Variants in GABRG2 observed in about 807,000 individuals in gnomAD.
The protein encoded by GABRG2 is gamma-aminobutyric acid type A receptor subunit gamma2, also known as gamma-aminobutyric acid receptor subunit gamma-2.
A neutral mutation model predicts 56.4 loss-of-function variants in GABRG2; 16 were observed. The ratio of observed to expected loss-of-function variants is 0.28; its 90% confidence interval spans 0.19 to 0.43. GABRG2 has a LOEUF of 0.43. GABRG2 is among the 20% of genes least tolerant of loss of function. GABRG2 has a pLI of 1.00. For synonymous variants in GABRG2, 208 were observed against 205.5 expected (o/e 1.01, Z -0.10); for missense variants, 327 against 582.7 (o/e 0.56, Z 4.52).
intron 1 of GABRG2, among the ~76,000 whole-genome samples, chr5:162,092,962 G>A (rs1176930889): frequency 6.6e-6 from 1 of 152,060 alleles, no homozygotes; most frequent in East Asian, 1.9e-4. Flanking sequence ...GGTTGCCTTG[G>A]GACTTGGGTT....
At position 162,092,949 on chromosome 5, in the gene GABRG2, C is replaced by T. The variant is rs146855493; in HGVS notation, c.108-879C>T. Among the ~76,000 whole-genome samples the T allele has an allele frequency of 8.8e-3, 1,344 of 152,070 alleles. 19 individuals carry two copies. Among genetic ancestry groups the T allele is most frequent in the African/African-American group, 0.031 (1,288 of 41,494 alleles). On this transcript the variant is annotated intron_variant, in intron 1 of 9. Transcript: ENST00000639213. Reference sequence around the variant, plus strand: ...GATCTGGAAAATATCATCATCTTGGCGGGGTTGCCTTGGGACTTGGGTTAG... The same window carrying T: ...GATCTGGAAAATATCATCATCTTGGTGGGGTTGCCTTGGGACTTGGGTTAG...
intron 6 of GABRG2, among the ~76,000 whole-genome samples, chr5:162,105,581 C>T (rs965069272): frequency 2.0e-5 from 3 of 151,766 alleles, no homozygotes; most frequent in African/African-American, 7.3e-5. Flanking sequence ...AGGCGCCCAC[C>T]ACCACGCCTG....
chr5:162,149,839 C>A (rs1041296086), intron 8 of GABRG2: 1 of 338,990 alleles, frequency 2.9e-6, no homozygotes, highest in African/African-American at 2.2e-5. Flanking sequence ...GTCTCGAACT[C>A]CTGACCTCAG....
intron 6 of GABRG2, among the ~76,000 whole-genome samples, chr5:162,128,026 G>A (rs1159158474): frequency 6.6e-6 from 1 of 152,014 alleles, no homozygotes; most frequent in Non-Finnish European, 1.5e-5. Context: ...AGAGTATCAA[G>A]AGACCATTTC....
rs201672465 is a variant in GABRG2 at position 162,104,025 on chromosome 5, C to T, written c.768C>T (p.Ser256=). 474 of 1,613,720 alleles carry T rather than the reference C, an allele frequency of 2.9e-4. 7 individuals are homozygous for T. In the South Asian group the frequency reaches 3.5e-3, roughly 12 times the overall value. The change falls in exon 6 of 10, where the codon TCC becomes TCT. Residue 256 remains serine (S), a splice_region_variant and synonymous_variant. Coordinates refer to ENST00000639213, the MANE Select transcript of GABRG2 (RefSeq NM_198904.4). The part of the protein sequence containing the change: ...RNTTEVVKTT[S]GDYVVMSVYF... ...CCACCGAAGTAGTGAAGACAACTTC[C>T]GGTAAGATGCACTGGCAAAGAATTT...
chr5:162,082,847 G>A lies in GABRG2; in HGVS notation c.108-10981G>A, dbSNP rs182011234. Among the ~76,000 whole-genome samples, 9 of 151,680 alleles carry A rather than the reference G, an allele frequency of 5.9e-5. No homozygotes were observed. The East Asian group carries it at 1.7e-3, about 29-fold the overall frequency. ...AGAAAAGACTTGATTAACTTTTAAA[G>A]CGAACAATAAAACCTTGATTTTGAG... On this transcript the variant is annotated intron_variant, in intron 1 of 9. Transcript: ENST00000639213.
At chr5:162,097,567 G>T in intron 3 of GABRG2, 71 bp from the exon 4 acceptor site, 3 of 1,171,204 alleles carry the variant, frequency 2.6e-6, no homozygotes, top group Non-Finnish European at 2.5e-6. Context: ...AAACAGGAAT[G>T]AAATATACCA....
intron 1 of GABRG2, among the ~76,000 whole-genome samples, chr5:162,073,734 AGC>A (rs1310585116): frequency 6.6e-6 from 1 of 151,992 alleles, no homozygotes; most frequent in African/African-American, 2.4e-5. Flanking sequence ...AGTAATAAGA[AGC>A]TATAATTTCT....
intron 1 of GABRG2, among the ~76,000 whole-genome samples, chr5:162,072,326 A>G (rs1191397179): frequency 6.6e-6 from 1 of 152,014 alleles, no homozygotes; most frequent in African/African-American, 2.4e-5. Flanking sequence ...TTTTCAGTTT[A>G]GGTACAAGTA....
At chr5:162,099,030 A>G (rs1581353634) in intron 4 of GABRG2, 1 of 152,114 alleles carries the variant, frequency 6.6e-6, no homozygotes, top group Non-Finnish European at 1.5e-5. Flanking sequence ...AAAATTATTT[A>G]TACATTTTCA....
intron 6 of GABRG2, among the ~76,000 whole-genome samples, chr5:162,123,663 C>T (rs1763124534): frequency 6.6e-6 from 1 of 151,794 alleles, no homozygotes; most frequent in Non-Finnish European, 1.5e-5. Context: ...GTGTCAGGAT[C>T]TGAGCTAAGT....
intron 6 of GABRG2, among the ~76,000 whole-genome samples, chr5:162,110,603 C>T (rs748717854): frequency 6.6e-6 from 1 of 151,670 alleles, no homozygotes; most frequent in Non-Finnish European, 1.5e-5. Flanking sequence ...GTTAATGGTA[C>T]TTTTTAAATT....
At chr5:162,072,428 A>C (rs759587797) in intron 1 of GABRG2, among the ~76,000 whole-genome samples, 1 of 152,064 alleles carries the variant, frequency 6.6e-6, no homozygotes, top group Non-Finnish European at 1.5e-5. Context: ...AAAAGTTATA[A>C]TCAGAGTAGT....
intron 6 of GABRG2, among the ~76,000 whole-genome samples, chr5:162,118,215 G>C (rs1320788679): frequency 6.6e-6 from 1 of 151,548 alleles, no homozygotes; most frequent in Non-Finnish European, 1.5e-5. Flanking sequence ...GTGTGTGTGT[G>C]TGTGTGTGTG....
At chr5:162,096,035 T>C (rs1219689416) in intron 3 of GABRG2, among the ~76,000 whole-genome samples, 1 of 151,846 alleles carries the variant, frequency 6.6e-6, no homozygotes, top group African/African-American at 2.4e-5. Flanking sequence ...ATAGAGAATG[T>C]AAAATAGAGT....
intron 6 of GABRG2, among the ~76,000 whole-genome samples, chr5:162,140,585 G>C (rs1764488258): frequency 1.3e-5 from 2 of 152,112 alleles, no homozygotes; most frequent in South Asian, 4.2e-4. Context: ...GGGAAACGTA[G>C]GCACAAAGCC....
chr5:162,097,438 T>A (rs1761081009), intron 3 of GABRG2, among the ~76,000 whole-genome samples, 200 bp from the exon 4 acceptor site: 1 of 152,156 alleles, frequency 6.6e-6, no homozygotes, highest in African/African-American at 2.4e-5. Flanking sequence ...ATCTACTTTT[T>A]CATAAAAGTA....
At chr5:162,116,126 G>A (rs888811020) in intron 6 of GABRG2, among the ~76,000 whole-genome samples, 2 of 151,284 alleles carry the variant, frequency 1.3e-5, no homozygotes, top group African/African-American at 2.4e-5. Context: ...GTGTGTGTGT[G>A]TGTGTGTGTG....
intron 5 of GABRG2, chr5:162,101,573 A>G: frequency 2.0e-6 from 1 of 488,650 alleles, no homozygotes; most frequent in South Asian, 2.1e-5. Flanking sequence ...TATTGGTTGC[A>G]TAGAGCCTTT....
Sources: gnomAD v4.1 joint callset for allele counts (sites outside exome capture counted in the v4.1 genomes callset) on GRCh38, gnomAD v4.1.1 for gene constraint, MANE v1.5 for transcripts, NCBI Gene and HGNC (gene_info 2026-07-23, HGNC 2026-07-21) for gene names.